The following DOP1A variants were observed in gnomAD, a reference collection of about 807,000 sequenced individuals.
DOP1A encodes the protein DOP1 leucine zipper like protein A, also known as protein DOP1A.
Under a neutral mutation model 267.6 loss-of-function variants are expected in DOP1A, and 90 were observed. The observed-to-expected ratio is 0.34, with a 90% CI of 0.28 to 0.40. The LOEUF (loss-of-function observed/expected upper bound fraction) is 0.40. DOP1A is among the 10% of genes least tolerant of loss of function. The pLI is 1.00. For missense variants in DOP1A, 2,437 were observed against 2,900.4 expected (o/e 0.84, Z 3.67); for synonymous variants, 932 against 999.1 (o/e 0.93, Z 1.27).
Position 83,168,130 on chromosome 6 carries a change from T to C in DOP1A, c.7361T>C (p.Val2454Ala), listed in dbSNP as rs1786303779. The C allele has an allele frequency of 1.2e-6, 2 of 1,612,932 alleles. No individual in the cohort carries two copies. Among genetic ancestry groups the C allele is most frequent in the South Asian group, 2.2e-5 (2 of 90,886 alleles). Reference sequence around the variant, plus strand: ...GCCAGGCAAAAAATAGAAGAGATGGTAGAAAAAGATTTTCTGGAAGGGATG... The same window carrying C: ...GCCAGGCAAAAAATAGAAGAGATGGCAGAAAAAGATTTTCTGGAAGGGATG... Reference protein sequence around the residue: ...SKARQKIEEMVEKDFLEGMIK... With the variant: ...SKARQKIEEMAEKDFLEGMIK... Residue 2454 changes from valine (V) to alanine (A), a missense_variant, in exon 39 of 39, where the codon GTA (valine) becomes GCA (alanine). Val to Ala is a moderately conservative substitution (Grantham distance 64). Coordinates refer to ENST00000349129, the MANE Select transcript of DOP1A (RefSeq NM_015018.4).
rs568008063 is a variant in DOP1A, at chr6:83,074,974, C to G, written c.-147+7195C>G. 5.3e-5 allele frequency among the ~76,000 whole-genome samples: 8 copies of G among 152,270 alleles called. No homozygotes were observed. In the East Asian group the frequency reaches 9.6e-4, roughly 18 times the overall value. On this transcript the variant is annotated intron_variant, in intron 1 of 38. Transcript: ENST00000349129. ...GGAATATCTGTATGATGAAAAGACT[C>G]CTTTTCCTGGGCCCTCATCCATCCA...
intron 1 of DOP1A, among the ~76,000 whole-genome samples, chr6:83,089,450 T>C (rs1398187432): frequency 1.3e-5 from 2 of 152,204 alleles, no homozygotes; most frequent in South Asian, 4.1e-4. Context: ...ATAATTGATA[T>C]ATGTTATATT....
chr6:83,164,509 A>G (rs1295035929), intron 38 of DOP1A: 2 of 717,924 alleles, frequency 2.8e-6, no homozygotes, highest in African/African-American at 3.6e-5. Context: ...TAAATATGAC[A>G]GTCTTTTGCC....
chr6:83,146,031 G>C (rs1378773352), intron 25 of DOP1A, among the ~76,000 whole-genome samples: 2 of 152,054 alleles, frequency 1.3e-5, no homozygotes, highest in African/African-American at 4.8e-5. Flanking sequence ...TTTCTTTTCT[G>C]AATGAATCTC....
chr6:83,133,036 T>A (rs1296198495), intron 18 of DOP1A, among the ~76,000 whole-genome samples: 1 of 151,742 alleles, frequency 6.6e-6, no homozygotes, highest in Non-Finnish European at 1.5e-5. Context: ...TGGGTCATAA[T>A]CAAAAAAGGA....
In DOP1A at chr6:83,090,427, C is replaced by T. The variant is rs78582064; in HGVS notation, c.-146-6304C>T. ...CGCCTGGGGTTTCTGTGAAACACTA[C>T]TCTGTTATTAAGTATGTCTATTTAT... On this transcript the variant is annotated intron_variant, in intron 1 of 38. Transcript: ENST00000349129. Among the ~76,000 whole-genome samples the T allele has an allele frequency of 7.9e-3, 1,197 of 152,252 alleles. 6 individuals are homozygous for T. Among genetic ancestry groups the T allele is most frequent in the Non-Finnish European group, 0.011 (757 of 68,016 alleles).
intron 27 of DOP1A, among the ~76,000 whole-genome samples, chr6:83,150,527 A>G (rs1233491603): frequency 6.6e-6 from 1 of 152,166 alleles, no homozygotes; most frequent in Non-Finnish European, 1.5e-5. Context: ...TCCTTTTAAA[A>G]TTTGTCAGTT....
At chr6:83,126,219 A>G (rs1336979331) in intron 15 of DOP1A, among the ~76,000 whole-genome samples, 1 of 151,766 alleles carries the variant, frequency 6.6e-6, no homozygotes, top group East Asian at 1.9e-4. Context: ...AAGGTGAGCC[A>G]CAACAGTATA....
At chr6:83,124,267 C>T (rs1335131115) in intron 12 of DOP1A, among the ~76,000 whole-genome samples, 2 of 151,982 alleles carry the variant, frequency 1.3e-5, no homozygotes, top group Non-Finnish European at 2.9e-5. Flanking sequence ...GAGGAGGTAA[C>T]ATTTGATCTC....
chr6:83,159,285 T>G (rs941884118), intron 36 of DOP1A, among the ~76,000 whole-genome samples: 18 of 151,960 alleles, frequency 1.2e-4, no homozygotes, highest in African/African-American at 4.4e-4. Flanking sequence ...TATGTACTAC[T>G]TTTTTTTAGA....
chr6:83,157,834 TG>T (rs1356552119), intron 35 of DOP1A, among the ~76,000 whole-genome samples: 1 of 152,136 alleles, frequency 6.6e-6, no homozygotes, highest in Non-Finnish European at 1.5e-5. Context: ...TACACCCTTC[TG>T]TTCCCCTCCT....
chr6:83,091,007 G>C (rs1397856979), intron 1 of DOP1A, among the ~76,000 whole-genome samples: 1 of 151,908 alleles, frequency 6.6e-6, no homozygotes, highest in Non-Finnish European at 1.5e-5. Context: ...AGTTTAATCG[G>C]ACTTACAGTT....
downstream of DOP1A, chr6:83,168,911 G>A (rs1200409850): frequency 4.6e-6 from 5 of 1,081,690 alleles, no homozygotes; most frequent in Non-Finnish European, 5.6e-6. Flanking sequence ...ACAAGGAGTT[G>A]GTAATAAGAT....
At chr6:83,105,106 T>C (rs938482088) in intron 4 of DOP1A, among the ~76,000 whole-genome samples, 1 of 152,018 alleles carries the variant, frequency 6.6e-6, no homozygotes, top group Non-Finnish European at 1.5e-5. Context: ...ACCAAACAAT[T>C]AAAATATATA....
intron 35 of DOP1A, among the ~76,000 whole-genome samples, chr6:83,157,987 C>A (rs1783191205): frequency 6.6e-6 from 1 of 151,890 alleles, no homozygotes; most frequent in Non-Finnish European, 1.5e-5. Context: ...TTTAATCTTT[C>A]TTTTATTTTT....
chr6:83,149,540 G>A (rs1781218674), intron 27 of DOP1A, among the ~76,000 whole-genome samples: 1 of 152,184 alleles, frequency 6.6e-6, no homozygotes, highest in African/African-American at 2.4e-5. Flanking sequence ...AAATAAGACT[G>A]AATGAAAAGG....
intron 20 of DOP1A, among the ~76,000 whole-genome samples, 197 bp downstream of exon 20, chr6:83,136,075 G>A (rs1228209230): frequency 6.6e-6 from 1 of 152,038 alleles, no homozygotes; most frequent in African/African-American, 2.4e-5. Flanking sequence ...AGAGGATGTG[G>A]GTCTCTCAGT....
At chr6:83,128,803 A>T in intron 15 of DOP1A, 84 bp from the exon 16 acceptor site, 1 of 1,458,162 alleles carries the variant, frequency 6.9e-7, no homozygotes, top group Non-Finnish European at 9.1e-7. Context: ...GAATAGTCTA[A>T]AACATCTCAA....
At chr6:83,147,824 G>C (rs1352314796) in intron 26 of DOP1A, among the ~76,000 whole-genome samples, 2 of 152,158 alleles carry the variant, frequency 1.3e-5, no homozygotes, top group African/African-American at 4.8e-5. Context: ...CCTAGAGCAA[G>C]CACTGCCTAA....
Sources: allele counts gnomAD v4.1 joint callset (sites outside exome capture counted in the v4.1 genomes callset), GRCh38; gene constraint gnomAD v4.1.1; transcripts MANE v1.5; gene names NCBI Gene and HGNC (gene_info 2026-07-23, HGNC 2026-07-21).